PSPC1: variants seen among roughly 807,000 people sequenced by gnomAD.
The protein encoded by PSPC1 is paraspeckle protein 1.
Under a neutral mutation model 51.6 loss-of-function variants are expected in PSPC1, and 14 were observed. That is an observed-to-expected ratio of 0.27 (90% CI 0.18 to 0.42). The LOEUF is 0.42. Among genes scored for constraint, PSPC1 ranks in the 10% least tolerant of loss-of-function variants. The pLI is 1.00. For missense variants in PSPC1, 406 were observed against 701.1 expected, an observed-to-expected ratio of 0.58 and a Z score of 4.75; for synonymous variants, 193 against 231.9, an observed-to-expected ratio of 0.83 and a Z score of 1.53.
At chr13:19,697,158 C>G (rs1459441484) in intron 6 of PSPC1, among the ~76,000 whole-genome samples, 1 of 152,160 alleles carries the variant, frequency 6.6e-6, no homozygotes, top group African/African-American at 2.4e-5. Context: ...AACAGATGCT[C>G]AAAGGGGTTC....
chr13:19,714,696 T>C (rs1881879736), intron 6 of PSPC1, among the ~76,000 whole-genome samples: 1 of 152,046 alleles, frequency 6.6e-6, no homozygotes, highest in Non-Finnish European at 1.5e-5. Flanking sequence ...GGTTTTACCA[T>C]GTTACTTGGG....
intron 2 of PSPC1, among the ~76,000 whole-genome samples, chr13:19,769,130 C>A (rs1888366827): frequency 6.6e-6 from 1 of 150,642 alleles, no homozygotes; most frequent in South Asian, 2.1e-4. Context: ...CACATTAAGA[C>A]TCTGCCTCAA....
chr13:19,744,881 T>G (rs933255054), intron 4 of PSPC1, among the ~76,000 whole-genome samples: 1 of 152,188 alleles, frequency 6.6e-6, no homozygotes, highest in Non-Finnish European at 1.5e-5. Context: ...GATGTCTTTA[T>G]CTTTTGATCC....
At chr13:19,720,924 TTTATAA>T (rs1322410512) in intron 6 of PSPC1, among the ~76,000 whole-genome samples, 1 of 152,152 alleles carries the variant, frequency 6.6e-6, no homozygotes, top group Admixed American at 6.5e-5. Context: ...CCTTTGAAAG[TTTATAA>T]TTATAATAAT....
At position 19,782,303 on chromosome 13, in the gene PSPC1, A is replaced by G; in HGVS notation, c.372+83T>C. ...TTGCCACAGGTTGAGACAGCGTCCT[A>G]GGACGAGGCTGGCCTCAGCCCCACG... On this transcript the variant is annotated intron_variant, in intron 1 of 8. Transcript: ENST00000338910. The surrounding 1 kb of genome is among the most constrained non-coding windows in gnomAD (Gnocchi z 4.5). 6.7e-6 allele frequency: 10 copies of G among 1,486,018 alleles called. No homozygotes were observed. The highest frequency in any genetic ancestry group is 8.9e-6 in the Non-Finnish European group (10 of 1,122,320). 92.1% of individuals were successfully genotyped at this position (1,486,018 alleles called of 1,614,324 possible).
intron 3 of PSPC1, among the ~76,000 whole-genome samples, chr13:19,755,728 C>A (rs569132082): frequency 1.2e-3 from 183 of 152,286 alleles, no homozygotes; most frequent in South Asian, 4.8e-3. Flanking sequence ...GCTCCCTTCT[C>A]AGTCGTTATT....
At chr13:19,761,659 G>T (rs1887615943) in intron 2 of PSPC1, among the ~76,000 whole-genome samples, 1 of 152,300 alleles carries the variant, frequency 6.6e-6, no homozygotes, top group East Asian at 1.9e-4. Context: ...GTGGTGGAAT[G>T]AGATTATAGA....
chr13:19,733,901 C>T (rs538061316), intron 5 of PSPC1, among the ~76,000 whole-genome samples: 5 of 151,680 alleles, frequency 3.3e-5, no homozygotes, highest in South Asian at 2.1e-4. Context: ...TGCGGGGAGC[C>T]GTGATCACAC....
intron 5 of PSPC1, among the ~76,000 whole-genome samples, chr13:19,733,473 A>G (rs1281018055): frequency 1.3e-5 from 2 of 152,186 alleles, no homozygotes; most frequent in East Asian, 3.9e-4. Flanking sequence ...AGAAAATATT[A>G]GCCACGGCCA....
At chr13:19,765,043 G>T (rs914355551) in intron 2 of PSPC1, among the ~76,000 whole-genome samples, 6 of 151,912 alleles carry the variant, frequency 3.9e-5, no homozygotes, top group African/African-American at 1.5e-4. Flanking sequence ...ATTTTGTGAT[G>T]GTTTTTCATT....
intron 6 of PSPC1, among the ~76,000 whole-genome samples, chr13:19,682,261 G>A (rs949172125): frequency 6.6e-6 from 1 of 152,114 alleles, no homozygotes; most frequent in African/African-American, 2.4e-5. Context: ...GCAAAAATCT[G>A]TAATATGAAC....
intron 2 of PSPC1, among the ~76,000 whole-genome samples, chr13:19,765,382 TAATAA>T (rs948601179): frequency 6.7e-6 from 1 of 148,324 alleles, no homozygotes; most frequent in African/African-American, 2.5e-5. Flanking sequence ...ATGACGATAT[TAATAA>T]AATATTTTAT....
intron 1 of PSPC1, among the ~76,000 whole-genome samples, chr13:19,779,551 G>T (rs1889651486): frequency 3.2e-5 from 1 of 30,802 alleles, no homozygotes; most frequent in Non-Finnish European, 8.2e-5. Context: ...GTCCCGGAGG[G>T]AGGTGGGGGG....
chr13:19,773,878 G>A (rs957929291), intron 1 of PSPC1, among the ~76,000 whole-genome samples: 8 of 151,870 alleles, frequency 5.3e-5, no homozygotes, highest in Non-Finnish European at 1.0e-4. Flanking sequence ...CTGGTCTCTC[G>A]AACTCCTGGC....
At chr13:19,737,974 T>C (rs947367872) in intron 5 of PSPC1, among the ~76,000 whole-genome samples, 1 of 152,110 alleles carries the variant, frequency 6.6e-6, no homozygotes, top group African/African-American at 2.4e-5. Flanking sequence ...ACACCTATAG[T>C]CCCAGCTACT....
intron 6 of PSPC1, among the ~76,000 whole-genome samples, chr13:19,729,655 A>C (rs1439220994): frequency 6.6e-6 from 1 of 152,084 alleles, no homozygotes; most frequent in Non-Finnish European, 1.5e-5. Flanking sequence ...AAAAAAATTA[A>C]GACCTGTGCA....
chr13:19,774,319 T>C (rs538628560), intron 1 of PSPC1, among the ~76,000 whole-genome samples: 50 of 152,316 alleles, frequency 3.3e-4, no homozygotes, highest in Non-Finnish European at 6.9e-4. Context: ...CATACTGTCT[T>C]ATGAAAATTG....
chr13:19,695,714 ATTT>A (rs1271353942), intron 6 of PSPC1, among the ~76,000 whole-genome samples: 1 of 152,104 alleles, frequency 6.6e-6, no homozygotes, highest in Middle Eastern at 3.2e-3. Context: ...CCCTTTTTAA[ATTT>A]TTATCATTTT....
downstream of PSPC1, chr13:19,673,093 T>G (rs1255306298): frequency 2.8e-6 from 1 of 356,722 alleles, no homozygotes; most frequent in African/African-American, 3.2e-5. Flanking sequence ...ATACGGTTTT[T>G]TTTTGTTTTT....
Sources: gnomAD v4.1 joint callset for allele counts (sites outside exome capture counted in the v4.1 genomes callset) on GRCh38, gnomAD v4.1.1 for gene constraint, Gnocchi (gnomAD v3.1) non-coding constraint, MANE v1.5 for transcripts, NCBI Gene and HGNC (gene_info 2026-07-23, HGNC 2026-07-21) for gene names.